Variants in NBEA observed in about 807,000 individuals in gnomAD.
NBEA encodes the protein neurobeachin.
A neutral mutation model predicts 343.4 loss-of-function variants in NBEA; 44 were observed. The observed-to-expected ratio is 0.13, with a 90% CI of 0.10 to 0.16. NBEA has a LOEUF of 0.16. Among genes scored for constraint, NBEA ranks in the 10% least tolerant of loss-of-function variants. NBEA has a pLI of 1.00. For missense variants in NBEA, 2,555 were observed against 3,631.3 expected, an observed-to-expected ratio of 0.70 and a Z score of 7.62; for synonymous variants, 1,175 against 1,238.7, an observed-to-expected ratio of 0.95 and a Z score of 1.08.
At chr13:35,043,001 T>G (rs2062709982) in intron 2 of NBEA, among the ~76,000 whole-genome samples, 1 of 151,856 alleles carries the variant, frequency 6.6e-6, no homozygotes, top group Non-Finnish European at 1.5e-5. Context: ...TTTCTTGGTC[T>G]TAGTATTTTT....
chr13:35,475,906 A>G (rs1227496852), intron 41 of NBEA: 1 of 1,614,148 alleles, frequency 6.2e-7, no homozygotes, highest in Admixed American at 1.7e-5. Flanking sequence ...GTTGAGATAA[A>G]GCACCACTTC....
At chr13:35,041,314 T>A in intron 2 of NBEA, 150 bp downstream of exon 2, 1 of 685,326 alleles carries the variant, frequency 1.5e-6, no homozygotes, top group Non-Finnish European at 2.4e-6. Context: ...TTTATATTAA[T>A]GGAAAACCTG....
intron 1 of NBEA, among the ~76,000 whole-genome samples, chr13:35,026,177 A>T (rs1474509431): frequency 2.0e-5 from 3 of 152,144 alleles, no homozygotes; most frequent in East Asian, 3.9e-4. Context: ...GCTTGCCCTC[A>T]TTCTGTCTCC....
chr13:35,196,062 C>G lies in NBEA; in HGVS notation c.5126C>G (p.Ser1709Cys). 1.2e-6 allele frequency: 2 copies of G among 1,613,578 alleles called. No homozygotes were observed. The highest frequency in any genetic ancestry group is 1.7e-6 in the Non-Finnish European group (2 of 1,179,732). The change falls in exon 31 of 59, where the codon TCC (serine) becomes TGC (cysteine). Residue 1709 changes from serine (S) to cysteine (C), a missense_variant. Ser to Cys is a moderately radical substitution (Grantham distance 112, BLOSUM62 -1). Coordinates refer to ENST00000379939, the MANE Select transcript of NBEA (RefSeq NM_001385012.1). ...AGTGAACTCTTATCCACTTTGTCAT[C>G]CGAAGTGAAGAAATCACAAGAGAGC... ...AMSELLSTLS[S>C]EVKKSQESLT...
At chr13:35,048,867 A>T (rs1156553996) in intron 5 of NBEA, among the ~76,000 whole-genome samples, 183 bp downstream of exon 5, 1 of 151,832 alleles carries the variant, frequency 6.6e-6, no homozygotes, top group Non-Finnish European at 1.5e-5. Flanking sequence ...TTTGCTATTG[A>T]TTCTAGGTCA....
intron 1 of NBEA, among the ~76,000 whole-genome samples, chr13:34,957,054 C>CAT (rs112902426): frequency 0.079 from 11,928 of 151,914 alleles, 569 homozygotes; most frequent in African/African-American, 0.11. Context: ...TACACACACA[C>CAT]ATATATACAT....
At chr13:35,087,208 C>T (rs921080070) in intron 10 of NBEA, among the ~76,000 whole-genome samples, 2 of 151,186 alleles carry the variant, frequency 1.3e-5, no homozygotes, top group African/African-American at 2.4e-5. Context: ...GAGGTCTTAA[C>T]CATGAAATAT....
chr13:34,987,974 G>A (rs1045331612), intron 1 of NBEA, among the ~76,000 whole-genome samples: 3 of 150,990 alleles, frequency 2.0e-5, no homozygotes, highest in Admixed American at 6.6e-5. Context: ...TGTTATTACT[G>A]ACCTTCTGAA....
intron 1 of NBEA, among the ~76,000 whole-genome samples, chr13:35,036,960 A>G (rs1302683235): frequency 6.6e-6 from 1 of 151,986 alleles, no homozygotes; most frequent in Non-Finnish European, 1.5e-5. Flanking sequence ...GTTCTCTGTT[A>G]TTTGAAGGTT....
intron 1 of NBEA, among the ~76,000 whole-genome samples, chr13:34,991,752 C>T (rs562902219): frequency 6.6e-6 from 1 of 152,282 alleles, no homozygotes; most frequent in East Asian, 1.9e-4. Flanking sequence ...ATTTCTTTTA[C>T]TTTTTGTTCC....
intron 45 of NBEA, among the ~76,000 whole-genome samples, chr13:35,579,710 A>G (rs1400149952): frequency 6.6e-6 from 1 of 152,150 alleles, no homozygotes; most frequent in African/African-American, 2.4e-5. Flanking sequence ...TATATTTACT[A>G]TAGTATTTAT....
intron 41 of NBEA, among the ~76,000 whole-genome samples, chr13:35,524,141 G>A (rs774840199): frequency 6.6e-6 from 1 of 152,184 alleles, no homozygotes; most frequent in African/African-American, 2.4e-5. Context: ...ACTGGAAAGA[G>A]GATAATGTAA....
At chr13:35,095,669 A>G (rs1225314505) in intron 10 of NBEA, among the ~76,000 whole-genome samples, 4 of 151,968 alleles carry the variant, frequency 2.6e-5, no homozygotes, top group Non-Finnish European at 4.4e-5. Context: ...CCATTCTTGA[A>G]GTAGAATTGC....
intron 38 of NBEA, among the ~76,000 whole-genome samples, chr13:35,372,872 G>C (rs1265096946): frequency 6.6e-6 from 1 of 152,162 alleles, no homozygotes; most frequent in East Asian, 1.9e-4. Flanking sequence ...CCACAGGGCA[G>C]GATGTAGTCT....
chr13:34,959,340 C>A (rs1210460644), intron 1 of NBEA, among the ~76,000 whole-genome samples: 1 of 152,008 alleles, frequency 6.6e-6, no homozygotes, highest in African/African-American at 2.4e-5. Flanking sequence ...AAGTCGTCCA[C>A]CTGGCAGACA....
intron 41 of NBEA, among the ~76,000 whole-genome samples, chr13:35,526,426 A>G (rs937588362): frequency 1.3e-5 from 2 of 152,190 alleles, no homozygotes; most frequent in Non-Finnish European, 1.5e-5. Context: ...CCCGTGGATC[A>G]CTTGAATCCA....
chr13:35,530,103 T>C (rs781646383), intron 41 of NBEA, among the ~76,000 whole-genome samples: 4 of 152,236 alleles, frequency 2.6e-5, no homozygotes, highest in Non-Finnish European at 5.9e-5. Flanking sequence ...TCTGTAATGA[T>C]GACATTTACA....
intron 10 of NBEA, among the ~76,000 whole-genome samples, chr13:35,076,972 T>C (rs763418903): frequency 7.9e-5 from 12 of 152,068 alleles, no homozygotes; most frequent in Admixed American, 7.2e-4. Flanking sequence ...TATTACCACA[T>C]GCCATAATTC....
intron 35 of NBEA, among the ~76,000 whole-genome samples, chr13:35,305,453 G>T (rs898537964): frequency 6.6e-6 from 1 of 152,080 alleles, no homozygotes; most frequent in African/African-American, 2.4e-5. Flanking sequence ...CTTATTGAGC[G>T]CTTTTGGTGT....
Sources: allele counts gnomAD v4.1 joint callset (sites outside exome capture counted in the v4.1 genomes callset), GRCh38; gene constraint gnomAD v4.1.1; transcripts MANE v1.5; gene names NCBI Gene and HGNC (gene_info 2026-07-23, HGNC 2026-07-21).